The following KCNJ6 variants were observed in gnomAD, a reference collection of about 807,000 sequenced individuals.
KCNJ6 encodes G protein-activated inward rectifier potassium channel 2.
A neutral mutation model predicts 34.2 loss-of-function variants in KCNJ6; 9 were observed. The observed-to-expected ratio is 0.26, with a 90% CI of 0.16 to 0.46. The LOEUF (loss-of-function observed/expected upper bound fraction) is 0.46, where lower values mean the gene tolerates loss of function less well. KCNJ6 is among the 20% of genes least tolerant of loss of function. KCNJ6 has a pLI of 1.00. For missense variants in KCNJ6, 236 were observed against 531.3 expected (o/e 0.44, Z 5.46); for synonymous variants, 196 against 207.1 (o/e 0.95, Z 0.46).
At chr21:37,854,088 C>T (rs544548350) in intron 1 of KCNJ6, among the ~76,000 whole-genome samples, 7 of 150,496 alleles carry the variant, frequency 4.7e-5, no homozygotes, top group East Asian at 3.9e-4. Context: ...CCTTAACATG[C>T]TAATAATTAT....
chr21:37,883,643 G>A (rs553009599), intron 1 of KCNJ6, among the ~76,000 whole-genome samples: 18 of 152,214 alleles, frequency 1.2e-4, no homozygotes, highest in East Asian at 7.7e-4. Flanking sequence ...CCAAAGTCCC[G>A]GGCTTCAGAA....
intron 3 of KCNJ6, among the ~76,000 whole-genome samples, chr21:37,628,353 A>G (rs992053513): frequency 1.3e-5 from 2 of 152,206 alleles, no homozygotes; most frequent in African/African-American, 4.8e-5. Context: ...AATAAGTTAC[A>G]TGTAAAATCC....
intron 1 of KCNJ6, among the ~76,000 whole-genome samples, chr21:37,904,922 G>A (rs910281432): frequency 2.6e-5 from 4 of 152,168 alleles, no homozygotes; most frequent in Non-Finnish European, 5.9e-5. Flanking sequence ...CCAAAACCTT[G>A]CACATGAAAG....
At chr21:37,914,319 T>C (rs1250280379) in intron 1 of KCNJ6, among the ~76,000 whole-genome samples, 1 of 152,152 alleles carries the variant, frequency 6.6e-6, no homozygotes, top group African/African-American at 2.4e-5. Flanking sequence ...TACTGCTTGC[T>C]GGGGGCTGCA....
intron 2 of KCNJ6, among the ~76,000 whole-genome samples, chr21:37,758,921 G>A (rs557566740): frequency 3.9e-5 from 6 of 152,260 alleles, no homozygotes; most frequent in East Asian, 1.9e-4. Context: ...GTGCGCCACC[G>A]TGCCTTCCCG....
At chr21:37,860,308 G>A (rs987439102) in intron 1 of KCNJ6, among the ~76,000 whole-genome samples, 18 of 152,062 alleles carry the variant, frequency 1.2e-4, no homozygotes, top group African/African-American at 4.1e-4. Flanking sequence ...AGACCATGGG[G>A]CTCTGTGTTC....
intron 2 of KCNJ6, among the ~76,000 whole-genome samples, chr21:37,788,706 T>C (rs2055203223): frequency 6.6e-6 from 1 of 152,168 alleles, no homozygotes; most frequent in African/African-American, 2.4e-5. Flanking sequence ...GGCTAGCCCA[T>C]TTGAGGATGA....
chr21:37,739,787 T>C (rs1483766490), intron 2 of KCNJ6, among the ~76,000 whole-genome samples: 3 of 152,154 alleles, frequency 2.0e-5, no homozygotes, highest in East Asian at 1.9e-4. Flanking sequence ...GAAAAGCTCC[T>C]GGAAAAACGG....
At chr21:37,844,319 A>G (rs2055495826) in intron 1 of KCNJ6, among the ~76,000 whole-genome samples, 1 of 151,904 alleles carries the variant, frequency 6.6e-6, no homozygotes, top group Non-Finnish European at 1.5e-5. Flanking sequence ...TATCCTCCCA[A>G]AATGCTGGGA....
At chr21:37,869,539 G>A (rs1010517636) in intron 1 of KCNJ6, among the ~76,000 whole-genome samples, 2 of 152,254 alleles carry the variant, frequency 1.3e-5, no homozygotes, top group African/African-American at 2.4e-5. Context: ...TGTAATTTGG[G>A]TTTAGCTCAC....
intron 2 of KCNJ6, among the ~76,000 whole-genome samples, chr21:37,821,614 A>G (rs1183424325): frequency 6.6e-6 from 1 of 152,026 alleles, no homozygotes; most frequent in Non-Finnish European, 1.5e-5. Flanking sequence ...GAAGGTAATT[A>G]TTTTTAAATG....
intron 2 of KCNJ6, among the ~76,000 whole-genome samples, chr21:37,780,025 T>C (rs2055161547): frequency 1.3e-5 from 2 of 152,152 alleles, no homozygotes; most frequent in South Asian, 4.1e-4. Context: ...CCTTTGTTGG[T>C]CTGAGGTCAT....
At position 37,781,983 on chromosome 21, in the gene KCNJ6, C is replaced by T. The variant is rs117045608; in HGVS notation, c.25+58675G>A. ...ATGTTACTTTACATGGCAAAAGGGA[C>T]GTTGCAGATGTGATTCTGTCAATAA... On this transcript the variant is annotated intron_variant, in intron 2 of 3. Transcript: ENST00000609713. 8.1e-4 allele frequency among the ~76,000 whole-genome samples: 124 copies of T among 152,296 alleles called. No individual in the cohort carries two copies. The East Asian group carries it at 0.02, about 25-fold the overall frequency.
intron 2 of KCNJ6, among the ~76,000 whole-genome samples, chr21:37,791,083 G>A (rs1223016514): frequency 6.6e-6 from 1 of 152,230 alleles, no homozygotes; most frequent in Non-Finnish European, 1.5e-5. Context: ...CCATGGTGCT[G>A]TTGGAACATT....
chr21:37,807,168 A>C (rs2055297574), intron 2 of KCNJ6, among the ~76,000 whole-genome samples: 1 of 152,232 alleles, frequency 6.6e-6, no homozygotes, highest in African/African-American at 2.4e-5. Flanking sequence ...AATGACCTAC[A>C]CTTACCCCAT....
intron 1 of KCNJ6, among the ~76,000 whole-genome samples, chr21:37,854,976 TAC>T (rs1215417370): frequency 1.3e-5 from 2 of 152,204 alleles, no homozygotes; most frequent in Non-Finnish European, 2.9e-5. Context: ...TCGGTAAGGA[TAC>T]AGAGAAAATC....
intron 3 of KCNJ6, among the ~76,000 whole-genome samples, chr21:37,687,005 A>C (rs2054618681): frequency 1.3e-5 from 2 of 152,086 alleles, no homozygotes. Flanking sequence ...AACGAAGCTA[A>C]TTTCTGAGGA....
At chr21:37,900,574 G>T (rs1029940133) in intron 1 of KCNJ6, among the ~76,000 whole-genome samples, 1 of 152,200 alleles carries the variant, frequency 6.6e-6, no homozygotes, top group Non-Finnish European at 1.5e-5. Flanking sequence ...CGGGAAGGAG[G>T]AGGTGGCAGC....
At chr21:37,855,445 C>T (rs139216263) in intron 1 of KCNJ6, among the ~76,000 whole-genome samples, 6 of 152,148 alleles carry the variant, frequency 3.9e-5, no homozygotes, top group Non-Finnish European at 1.5e-5. Context: ...GTTCTTGGAA[C>T]CTTTCTATAG....
Sources: gnomAD v4.1 joint callset for allele counts (sites outside exome capture counted in the v4.1 genomes callset) on GRCh38, gnomAD v4.1.1 for gene constraint, MANE v1.5 for transcripts, NCBI Gene and HGNC (gene_info 2026-07-23, HGNC 2026-07-21) for gene names.